Variants in MIDN observed in about 807,000 individuals in gnomAD.
MIDN encodes the protein midnolin, also known as midbrain nucleolar protein.
A neutral mutation model predicts 46.1 loss-of-function variants in MIDN; 26 were observed. The observed-to-expected ratio is 0.56, with a 90% CI of 0.41 to 0.78. The LOEUF (loss-of-function observed/expected upper bound fraction) is 0.78. Among genes scored for constraint, MIDN ranks in the 30% least tolerant of loss-of-function variants. The pLI is 0.00. For synonymous variants in MIDN, 432 were observed against 343.3 expected, an observed-to-expected ratio of 1.26 and a Z score of -2.86; for missense variants, 850 against 771.8, an observed-to-expected ratio of 1.10 and a Z score of -1.20.
intron 5 of MIDN, 39 bp downstream of exon 5, chr19:1,254,121 G>A: frequency 1.9e-6 from 3 of 1,558,860 alleles, no homozygotes; most frequent in Non-Finnish European, 2.6e-6. Flanking sequence ...TGGGCTGGGG[G>A]CGCCGCAAGC....
chr19:1,250,252 G>A lies in MIDN; in HGVS notation c.-45G>A, dbSNP rs2081107347. On this transcript the variant is annotated 5_prime_UTR_variant, in exon 2 of 9. Transcript: ENST00000682408. Reference sequence around the variant, plus strand: ...GCCCCTGTCCCGGAGGCGCGGCGAGGATTGGCGGCGCCCGCCGCCCCCAGC... The same window carrying A: ...GCCCCTGTCCCGGAGGCGCGGCGAGAATTGGCGGCGCCCGCCGCCCCCAGC... The A allele has an allele frequency of 3.5e-6, 3 of 855,432 alleles. No individual in the cohort carries two copies. Among genetic ancestry groups the A allele is most frequent in the Non-Finnish European group, 4.2e-6 (3 of 712,272 alleles). 53.0% of individuals were successfully genotyped at this position (855,432 alleles called of 1,614,324 possible). A position where few individuals can be genotyped will look rare whatever the true frequency, so the allele number is the denominator to read the frequency against.
At chr19:1,249,417 G>A (rs1305605200) in intron 1 of MIDN, among the ~76,000 whole-genome samples, 1 of 150,048 alleles carries the variant, frequency 6.7e-6, no homozygotes, top group Non-Finnish European at 1.5e-5. Flanking sequence ...AAGGCGGCGG[G>A]GTGGCCCCAC....
At chr19:1,252,165 C>G (rs1305884952) in intron 4 of MIDN, among the ~76,000 whole-genome samples, 2 of 152,206 alleles carry the variant, frequency 1.3e-5, no homozygotes, top group African/African-American at 2.4e-5. Context: ...GCAGGATGAC[C>G]TTGGCCTATG....
Position 1,254,018 on chromosome 19 carries a change from T to C in MIDN, c.449T>C (p.Leu150Ser). Reference protein sequence around the residue: ...GGGFRKYRFILFKRPWHRQGP... With the variant: ...GGGFRKYRFISFKRPWHRQGP... ...GGCTTCCGGAAATACAGATTCATTTTATTTAAGCGTCCGTGGCACCGACAG... is the reference window on the plus strand; with the variant it reads ...GGCTTCCGGAAATACAGATTCATTTCATTTAAGCGTCCGTGGCACCGACAG... Residue 150 changes from leucine (L) to serine (S), a missense_variant, in exon 5 of 9, where the codon TTA becomes TCA. Coordinates refer to ENST00000682408, the MANE Select transcript of MIDN (RefSeq NM_001388306.1). 4.2e-6 allele frequency: 6 copies of C among 1,417,140 alleles called. No individual in the cohort carries two copies. Among genetic ancestry groups the C allele is most frequent in the East Asian group, 2.9e-5 (1 of 34,784 alleles). The allele number at this position is 1,417,140 out of a possible 1,614,324, so 87.8% of individuals were successfully genotyped here.
Position 1,257,570 on chromosome 19 carries a change from G to C in MIDN, c.*298G>C. On this transcript the variant is annotated 3_prime_UTR_variant, in exon 9 of 9. Coordinates refer to ENST00000682408, the MANE Select transcript of MIDN (RefSeq NM_001388306.1). ...CTCCTTTCACCTCTGCGCCAGGTCGGTCCTCCCTGCCAACCTTCCCCAGCT... is the reference window on the plus strand; with the variant it reads ...CTCCTTTCACCTCTGCGCCAGGTCGCTCCTCCCTGCCAACCTTCCCCAGCT... 2.9e-6 allele frequency: 1 copy of C among 348,516 alleles called. No individual in the cohort carries two copies. The highest frequency in any genetic ancestry group is 5.2e-6 in the Non-Finnish European group (1 of 192,444). 21.6% of individuals were successfully genotyped at this position (348,516 alleles called of 1,614,324 possible).
In MIDN at chr19:1,257,186, G is replaced by GCCT. The variant is rs764361085; in HGVS notation, c.1453_1455dup (p.Ser485dup). ...CGGGGGCGGCGGCAGCCCCAGCGAG[G>GCCT]CCTCCGGCTTGGGCCTCGACTTCGA... On this transcript the variant is annotated inframe_insertion, in exon 9 of 9. Transcript: ENST00000682408. 1 of 1,611,938 alleles carries GCCT rather than the reference G, an allele frequency of 6.2e-7. No homozygotes were observed. The highest frequency in any genetic ancestry group is 1.7e-5 in the Admixed American group (1 of 59,986).
chr19:1,251,935 G>T lies in MIDN; in HGVS notation c.384+34G>T, dbSNP rs200714403. Reference sequence around the variant, plus strand: ...TCGCCAGCCCCTTCCTAACAGGGCAGCCCTGGGAGCAGGGTGCCTTGGCCA... The same window carrying T: ...TCGCCAGCCCCTTCCTAACAGGGCATCCCTGGGAGCAGGGTGCCTTGGCCA... On this transcript the variant is annotated intron_variant, in intron 4 of 8. Coordinates refer to ENST00000682408, the MANE Select transcript of MIDN (RefSeq NM_001388306.1). 4.4e-4 allele frequency: 700 copies of T among 1,590,526 alleles called. 3 individuals carry two copies. Among genetic ancestry groups the T allele is most frequent in the Non-Finnish European group, 1.9e-4 (215 of 1,161,292 alleles).
intron 2 of MIDN, among the ~76,000 whole-genome samples, chr19:1,250,851 C>G (rs1363395146): frequency 6.6e-6 from 1 of 152,030 alleles, no homozygotes; most frequent in Non-Finnish European, 1.5e-5. Flanking sequence ...TGCGTCCGCG[C>G]CGGCTTCCGC....
At chr19:1,248,793 G>A (rs1266994658) in intron 1 of MIDN, 133 bp downstream of exon 1, 1 of 152,180 alleles carries the variant, frequency 6.6e-6, no homozygotes, top group Non-Finnish European at 1.5e-5. Flanking sequence ...GCCCCCCGGG[G>A]TGCGGGGTGG....
chr19:1,253,890 G>A, intron 4 of MIDN, 64 bp from the exon 5 acceptor site: 1 of 1,334,920 alleles, frequency 7.5e-7, no homozygotes, highest in Non-Finnish European at 9.6e-7. Flanking sequence ...GTTTCCCCTT[G>A]CAAGACCGAC....
Position 1,255,073 on chromosome 19 carries a change from A to T in MIDN, c.985+12A>T, listed in dbSNP as rs370061675. Reference sequence around the variant, plus strand: ...AGGGACCTTCTCTGGTAGGTGTCACAGCACATGTGTGAGCTCACGTGTGTC... The same window carrying T: ...AGGGACCTTCTCTGGTAGGTGTCACTGCACATGTGTGAGCTCACGTGTGTC... On this transcript the variant is annotated intron_variant, in intron 7 of 8. Coordinates refer to ENST00000682408, the MANE Select transcript of MIDN (RefSeq NM_001388306.1). 3.7e-6 allele frequency: 6 copies of T among 1,607,958 alleles called. No homozygotes were observed. Among genetic ancestry groups the T allele is most frequent in the Non-Finnish European group, 5.1e-6 (6 of 1,175,778 alleles).
rs757347314 is a variant in MIDN at position 1,254,315 on chromosome 19, C to T, written c.662C>T (p.Ala221Val). The T allele has an allele frequency of 7.6e-6, 12 of 1,570,432 alleles. No homozygotes were observed. The highest frequency in any genetic ancestry group is 3.5e-5 in the Admixed American group (2 of 56,360). Residue 221 changes from alanine (A) to valine (V), a missense_variant, in exon 6 of 9, where the codon GCG (alanine) becomes GTG (valine). Coordinates refer to ENST00000682408, the MANE Select transcript of MIDN (RefSeq NM_001388306.1). The part of the protein sequence containing the change: ...VLAAAAAAAA[A>V]RGDPSIASPV... ...GCCGCTGCGGCCGCCGCCGCTGCTG[C>T]GCGGGGGGACCCCAGCATAGCCTCC...
At position 1,251,830 on chromosome 19, in the gene MIDN, T is replaced by C; in HGVS notation, c.322-9T>C. 2.5e-6 allele frequency: 4 copies of C among 1,610,810 alleles called. No individual in the cohort carries two copies. The highest frequency in any genetic ancestry group is 3.4e-6 in the Non-Finnish European group (4 of 1,178,522). ...CACACTCAGGCCCCTCTCCTCCCTC[T>C]CTTTGTAGTCTCAGGCCTCAAGGCC... is the stretch of plus-strand genomic sequence containing the variant. On this transcript the variant is annotated splice_polypyrimidine_tract_variant and intron_variant, in intron 3 of 8. Coordinates refer to ENST00000682408, the MANE Select transcript of MIDN (RefSeq NM_001388306.1).
At chr19:1,255,718 C>T (rs1193427423) in intron 8 of MIDN, 24 bp downstream of exon 8, 1 of 1,526,426 alleles carries the variant, frequency 6.6e-7, no homozygotes, top group African/African-American at 1.4e-5. Context: ...CTCGGGGGTC[C>T]TACCTTCCCC....
intron 7 of MIDN, 30 bp from the exon 8 acceptor site, chr19:1,255,392 C>CA: frequency 6.4e-7 from 1 of 1,553,200 alleles, no homozygotes; most frequent in Non-Finnish European, 8.7e-7. Context: ...TGTGCCCGTG[C>CA]CGGGCACTCA....
At chr19:1,253,113 C>A (rs902685873) in intron 4 of MIDN, among the ~76,000 whole-genome samples, 1 of 151,754 alleles carries the variant, frequency 6.6e-6, no homozygotes, top group African/African-American at 2.4e-5. Context: ...GAGTCATGCC[C>A]GCCCATTAGC....
chr19:1,251,082 C>T (rs934623401), intron 2 of MIDN, among the ~76,000 whole-genome samples: 4 of 151,884 alleles, frequency 2.6e-5, no homozygotes, highest in Non-Finnish European at 4.4e-5. Context: ...GGAGGGTCTC[C>T]TTTGTCTGCG....
At position 1,255,427 on chromosome 19, in the gene MIDN, C is replaced by G; in HGVS notation, c.991C>G (p.Leu331Val). ...GVFSGTFSGT[L>V]HPNCQDSSGR... ...ACGGCCACCTCTGCCCGCAGGCACG[C>G]TACACCCCAACTGCCAAGACAGCAG... The change falls in exon 8 of 9, where the codon CTA becomes GTA. Residue 331 changes from leucine to valine, a missense_variant. Coordinates refer to ENST00000682408, the MANE Select transcript of MIDN (RefSeq NM_001388306.1). 6.3e-7 allele frequency: 1 copy of G among 1,590,392 alleles called. No individual in the cohort carries two copies. The highest frequency in any genetic ancestry group is 8.6e-7 in the Non-Finnish European group (1 of 1,169,508).
intron 2 of MIDN, 161 bp from the exon 3 acceptor site, chr19:1,251,401 C>T: frequency 1.6e-6 from 1 of 621,746 alleles, no homozygotes; most frequent in Middle Eastern, 2.5e-4. Flanking sequence ...ACGGAGACCT[C>T]TCTGCACGCG....
Sources: gnomAD v4.1 joint callset for allele counts (sites outside exome capture counted in the v4.1 genomes callset) on GRCh38, gnomAD v4.1.1 for gene constraint, MANE v1.5 for transcripts, NCBI Gene and HGNC (gene_info 2026-07-23, HGNC 2026-07-21) for gene names.